RBFOX1: variants seen among roughly 807,000 people sequenced by gnomAD.
RBFOX1 encodes the protein RNA binding protein fox-1 homolog 1.
RBFOX1 carries 8 observed loss-of-function variants against 57.7 expected under a neutral mutation model. The ratio of observed to expected loss-of-function variants is 0.14; its 90% CI spans 0.08 to 0.25. The LOEUF (loss-of-function observed/expected upper bound fraction) is 0.25. Ranked by LOEUF, RBFOX1 falls within the 10% of genes least tolerant of loss-of-function variation. RBFOX1 has a pLI of 1.00. For missense variants in RBFOX1, 611 were observed against 548.5 expected, an observed-to-expected ratio of 1.11 and a Z score of -1.14; for synonymous variants, 326 against 222.4, an observed-to-expected ratio of 1.47 and a Z score of -4.15.
In RBFOX1 at chr16:6,924,482, C is replaced by T. The variant is rs957271835; in HGVS notation, c.-15-127575C>T. Among the ~76,000 whole-genome samples the T allele has an allele frequency of 9.9e-5, 15 of 151,928 alleles. No homozygotes were observed. The South Asian group carries it at 1.7e-3, about 17-fold the overall frequency. ...AGGCACCAAGCCATTCTTGAGGAAG[C>T]CACCCCCATAACTCAAATATTTCCC... On this transcript the variant is annotated intron_variant, in intron 3 of 15. Transcript: ENST00000550418.
chr16:7,698,908 AT>A (rs749835537), intron 14 of RBFOX1, among the ~76,000 whole-genome samples: 48 of 152,300 alleles, frequency 3.2e-4, no homozygotes, highest in Non-Finnish European at 6.5e-4. Context: ...AAAATTAAAG[AT>A]GTCTAGATAG....
At chr16:7,063,743 A>T (rs1464025743) in intron 4 of RBFOX1, among the ~76,000 whole-genome samples, 1 of 152,206 alleles carries the variant, frequency 6.6e-6, no homozygotes, top group Non-Finnish European at 1.5e-5. Context: ...TGCACGGAAC[A>T]TGTGCAGACT....
At chr16:7,486,099 G>C (rs1567440960) in intron 4 of RBFOX1, among the ~76,000 whole-genome samples, 1 of 144,934 alleles carries the variant, frequency 6.9e-6, no homozygotes, top group Non-Finnish European at 1.5e-5. Context: ...CTGTCTGTGG[G>C]TATTTGTGTG....
chr16:7,374,190 G>A (rs778349102), intron 4 of RBFOX1, among the ~76,000 whole-genome samples: 9 of 152,126 alleles, frequency 5.9e-5, no homozygotes, highest in Non-Finnish European at 1.3e-4. Flanking sequence ...ATGGCATGGA[G>A]CATGAATTTT....
chr16:7,700,753 C>G (rs773271642), intron 14 of RBFOX1, among the ~76,000 whole-genome samples: 1 of 152,188 alleles, frequency 6.6e-6, no homozygotes, highest in East Asian at 1.9e-4. Flanking sequence ...CTTACTGTGT[C>G]TTCTCTACTC....
chr16:6,794,166 C>T (rs2083487701), intron 3 of RBFOX1, among the ~76,000 whole-genome samples: 1 of 152,084 alleles, frequency 6.6e-6, no homozygotes, highest in East Asian at 1.9e-4. Context: ...CTAAGTTCTT[C>T]CCATCACTAC....
intron 3 of RBFOX1, among the ~76,000 whole-genome samples, chr16:5,820,250 C>A (rs899583577): frequency 1.1e-4 from 17 of 152,192 alleles, no homozygotes; most frequent in African/African-American, 4.1e-4. Context: ...TTCTCTTAAC[C>A]GCCATGCTAC....
At chr16:6,148,895 C>T (rs1597795855) in intron 1 of RBFOX1, among the ~76,000 whole-genome samples, 1 of 152,076 alleles carries the variant, frequency 6.6e-6, no homozygotes, top group South Asian at 2.1e-4. Flanking sequence ...CACCCCCCTC[C>T]CTGCCACGTA....
intron 3 of RBFOX1, among the ~76,000 whole-genome samples, chr16:6,971,961 A>C (rs1439652586): frequency 1.3e-5 from 2 of 152,146 alleles, no homozygotes; most frequent in South Asian, 4.1e-4. Context: ...GTGAATGAGC[A>C]TGGAGTCCGT....
chr16:6,352,193 A>G (rs1206025943), intron 2 of RBFOX1, among the ~76,000 whole-genome samples: 4 of 152,042 alleles, frequency 2.6e-5, no homozygotes, highest in Admixed American at 2.0e-4. Context: ...TCTCTGCTTT[A>G]TTTTCCTCCT....
chr16:6,513,742 A>T lies in RBFOX1; in HGVS notation c.-63-140861A>T, dbSNP rs751409451. On this transcript the variant is annotated intron_variant, in intron 2 of 15. Transcript: ENST00000550418. ...AGAGTGAGACTTCGTCTCAAAAACAAACAAACAAACAAAAAAAAACAAAGT... is the reference window on the plus strand; with the variant it reads ...AGAGTGAGACTTCGTCTCAAAAACATACAAACAAACAAAAAAAAACAAAGT... Among the ~76,000 whole-genome samples, 28 of 150,394 alleles carry T rather than the reference A, an allele frequency of 1.9e-4. 1 individual carries two copies. The highest frequency in any genetic ancestry group is 4.2e-4 in the South Asian group (2 of 4,800).
chr16:7,575,974 C>T (rs1008348866), intron 5 of RBFOX1, among the ~76,000 whole-genome samples: 2 of 152,158 alleles, frequency 1.3e-5, no homozygotes, highest in African/African-American at 4.8e-5. Context: ...TGCTCCATTG[C>T]CCAGGCTGGA....
chr16:6,902,103 C>G (rs80352807), intron 3 of RBFOX1, among the ~76,000 whole-genome samples: 3,290 of 152,202 alleles, frequency 0.022, 121 homozygotes, highest in East Asian at 0.13. Flanking sequence ...TACATAAAAT[C>G]AGGTGTCTTA....
chr16:5,813,976 C>G (rs2055528901), intron 3 of RBFOX1, among the ~76,000 whole-genome samples: 1 of 152,212 alleles, frequency 6.6e-6, no homozygotes. Flanking sequence ...ACCACAATTA[C>G]TTTTGCACCG....
chr16:6,180,033 G>T (rs2097050123), intron 1 of RBFOX1, among the ~76,000 whole-genome samples: 1 of 152,108 alleles, frequency 6.6e-6, no homozygotes, highest in African/African-American at 2.4e-5. Flanking sequence ...GGCTGCATTT[G>T]GTTTGCCAGT....
intron 2 of RBFOX1, among the ~76,000 whole-genome samples, chr16:6,562,446 CTG>C (rs2097190843): frequency 6.6e-6 from 1 of 152,216 alleles, no homozygotes; most frequent in Admixed American, 6.5e-5. Context: ...TCTATGATCA[CTG>C]TGGAAATTCA....
intron 1 of RBFOX1, among the ~76,000 whole-genome samples, chr16:6,183,521 A>AAT (rs1316246865): frequency 6.6e-6 from 1 of 150,664 alleles, no homozygotes; most frequent in Non-Finnish European, 1.5e-5. Context: ...TAAATAAATA[A>AAT]ATAAATGTAA....
At chr16:6,770,342 G>A (rs1225781555) in intron 3 of RBFOX1, among the ~76,000 whole-genome samples, 1 of 152,062 alleles carries the variant, frequency 6.6e-6, no homozygotes, top group African/African-American at 2.4e-5. Flanking sequence ...AATGCAACAG[G>A]GCAGGGGTTG....
intron 1 of RBFOX1, among the ~76,000 whole-genome samples, chr16:6,258,618 C>G (rs544311094): frequency 1.3e-5 from 2 of 152,280 alleles, no homozygotes; most frequent in Non-Finnish European, 2.9e-5. Flanking sequence ...ACTCTGTTTT[C>G]CTAATTTCAT....
Sources: gnomAD v4.1 joint callset for allele counts (sites outside exome capture counted in the v4.1 genomes callset) on GRCh38, gnomAD v4.1.1 for gene constraint, MANE v1.5 for transcripts, NCBI Gene and HGNC (gene_info 2026-07-23, HGNC 2026-07-21) for gene names.